Variants in PSG11 observed in about 807,000 individuals in gnomAD.
PSG11 encodes the protein pregnancy specific beta-1-glycoprotein 11.
Under a neutral mutation model 36.0 loss-of-function variants are expected in PSG11, and 42 were observed. The observed-to-expected ratio is 1.17, with a 90% CI of 0.91 to 1.51. The LOEUF (loss-of-function observed/expected upper bound fraction) is 1.51. PSG11 is among the 40% of genes most tolerant of loss of function. The probability of loss-of-function intolerance (pLI) is 0.00; values close to 1 mark genes in which losing one functional copy is unlikely to be tolerated. For synonymous variants in PSG11, 206 were observed against 153.5 expected (o/e 1.34, Z -2.53); for missense variants, 558 against 403.5 (o/e 1.38, Z -3.28).
chr19:43,018,185 G>A (rs1315788533), intron 3 of PSG11, among the ~76,000 whole-genome samples: 2 of 151,150 alleles, frequency 1.3e-5, no homozygotes, highest in African/African-American at 4.9e-5. Flanking sequence ...AACAGACATA[G>A]ACCCCTCTAT....
intron 2 of PSG11, among the ~76,000 whole-genome samples, chr19:43,022,254 G>A (rs1418002371): frequency 2.0e-5 from 3 of 151,452 alleles, no homozygotes; most frequent in African/African-American, 4.9e-5. Context: ...CATCACTATT[G>A]TAGAACGTGA....
chr19:43,023,379 T>C (rs1967151734), intron 2 of PSG11, among the ~76,000 whole-genome samples: 1 of 150,422 alleles, frequency 6.6e-6, no homozygotes, highest in Non-Finnish European at 1.5e-5. Context: ...AGGGAGTGAG[T>C]GGGGAAAGAA....
intron 2 of PSG11, among the ~76,000 whole-genome samples, chr19:43,023,887 G>T (rs1157636688): frequency 6.6e-6 from 1 of 151,420 alleles, no homozygotes; most frequent in Admixed American, 6.6e-5. Context: ...TGGCACAGTG[G>T]AGGTGTTCAC....
At chr19:43,019,191 A>C in intron 2 of PSG11, 143 bp from the exon 3 acceptor site, 6 of 1,482,698 alleles carry the variant, frequency 4.0e-6, no homozygotes, top group Non-Finnish European at 4.5e-6. Context: ...GTTACAACAC[A>C]GATGCATGGC....
chr19:43,013,425 AACCC>A (rs1209520216), intron 4 of PSG11, among the ~76,000 whole-genome samples: 7 of 151,432 alleles, frequency 4.6e-5, no homozygotes. Flanking sequence ...GACATCCAAA[AACCC>A]AATTAAAAAA....
intron 4 of PSG11, among the ~76,000 whole-genome samples, chr19:43,012,614 A>C (rs1974105057): frequency 6.6e-6 from 1 of 151,524 alleles, no homozygotes; most frequent in Non-Finnish European, 1.5e-5. Context: ...AAATCTGCAA[A>C]ATATTGCTGA....
At position 43,024,936 on chromosome 19, in the gene PSG11, A is replaced by C; in HGVS notation, c.185T>G (p.Leu62Arg). 1 of 1,611,824 alleles carries C rather than the reference A, an allele frequency of 6.2e-7. No homozygotes were observed. Among genetic ancestry groups the C allele is most frequent in the Non-Finnish European group, 8.5e-7 (1 of 1,179,068 alleles). Residue 62 changes from leucine (L) to arginine (R), a missense_variant, in exon 2 of 6, where the codon CTT (leucine) becomes CGT (arginine). Transcript: ENST00000320078. ...CCCTTTGTACCAGATGTAGCCAGTA[A>C]GATTCTGGGGCAAATTGTGGACAAG... ...LLLVHNLPQNLTGYIWYKGQI... is the reference protein window; with the variant it reads ...LLLVHNLPQNRTGYIWYKGQI...
In PSG11 at chr19:43,010,322, C is replaced by A. The variant is rs780100964; in HGVS notation, c.965-281G>T. On this transcript the variant is annotated intron_variant, in intron 4 of 5. Coordinates refer to ENST00000320078, the MANE Select transcript of PSG11 (RefSeq NM_002785.3). ...AAAGGCTGATTGCTATTTTCTATGT[C>A]ATTGGAACTTGTCACCTTTGCACCT... 1.9e-4 allele frequency: 287 copies of A among 1,511,074 alleles called. 9 individuals are homozygous for A. The highest frequency in any genetic ancestry group is 2.4e-4 in the Non-Finnish European group (277 of 1,134,892). The allele number at this position is 1,511,074 out of a possible 1,614,324, so 93.6% of individuals were successfully genotyped here.
intron 1 of PSG11, chr19:43,025,284 C>G (rs1967216076): frequency 3.7e-6 from 3 of 801,622 alleles, no homozygotes; most frequent in South Asian, 4.4e-5. Flanking sequence ...AGCATGACCC[C>G]CATTCCTTCA....
intron 2 of PSG11, chr19:43,019,317 C>G (rs1967046666): frequency 1.5e-6 from 1 of 665,910 alleles, no homozygotes; most frequent in East Asian, 3.5e-5. Context: ...GACCAGCAGT[C>G]ATAGCCCCTG....
At chr19:43,019,930 G>A (rs1383999474) in intron 2 of PSG11, among the ~76,000 whole-genome samples, 1 of 151,506 alleles carries the variant, frequency 6.6e-6, no homozygotes, top group Non-Finnish European at 1.5e-5. Context: ...TGGACCATAT[G>A]TGTTTGGTAG....
intron 4 of PSG11, among the ~76,000 whole-genome samples, chr19:43,013,312 A>G (rs55663064): frequency 0.18 from 27,437 of 151,226 alleles, 3,389 homozygotes; most frequent in East Asian, 0.53. Context: ...TTATCAAGAA[A>G]GTAAAAAGGC....
At chr19:43,012,860 TC>T (rs1195679334) in intron 4 of PSG11, among the ~76,000 whole-genome samples, 3 of 151,404 alleles carry the variant, frequency 2.0e-5, no homozygotes, top group African/African-American at 7.3e-5. Context: ...GCTGGAGGAC[TC>T]AGACTTCCTG....
chr19:43,025,442 C>G (rs1967220751), intron 1 of PSG11: 1 of 224,126 alleles, frequency 4.5e-6, no homozygotes, highest in East Asian at 1.0e-4. Flanking sequence ...TGGGTCTTCC[C>G]TTTCTGACCT....
rs372447265 is a variant in PSG11, at chr19:43,026,411, G to A, written c.-39C>T. The A allele has an allele frequency of 6.2e-7, 1 of 1,603,614 alleles. No individual in the cohort carries two copies. Among genetic ancestry groups the A allele is most frequent in the Non-Finnish European group, 8.5e-7 (1 of 1,174,014 alleles). On this transcript the variant is annotated 5_prime_UTR_variant, in exon 1 of 6. Coordinates refer to ENST00000320078, the MANE Select transcript of PSG11 (RefSeq NM_002785.3). Reference sequence around the variant, plus strand: ...TGCATGTTCTCCTCTGTGGAGATGAGCCTAGGATCCAGAAGCTTCCAGAGC... The same window carrying A: ...TGCATGTTCTCCTCTGTGGAGATGAACCTAGGATCCAGAAGCTTCCAGAGC...
chr19:43,018,005 C>G (rs1967007709), intron 3 of PSG11, among the ~76,000 whole-genome samples: 2 of 151,082 alleles, frequency 1.3e-5, no homozygotes, highest in Non-Finnish European at 1.5e-5. Context: ...ATTCCCTGTC[C>G]TGGGTTTTTG....
chr19:43,010,101 G>T lies in PSG11; in HGVS notation c.965-60C>A, dbSNP rs374188660. On this transcript the variant is annotated intron_variant, in intron 4 of 5. Transcript: ENST00000320078. ...GTGATGTTATTTTACATGGGGGAGC[G>T]TCAGGAACAAGCATGTAACATGAGA... is the stretch of plus-strand genomic sequence containing the variant. 2.6e-5 allele frequency: 40 copies of T among 1,565,418 alleles called. 1 individual carries two copies. Among genetic ancestry groups the T allele is most frequent in the South Asian group, 5.6e-5 (5 of 88,578 alleles).
In PSG11 at chr19:43,008,051, A is replaced by T. The variant is rs1449798985; in HGVS notation, c.*41-9T>A. The T allele has an allele frequency of 5.3e-6, 2 of 380,220 alleles. No homozygotes were observed. Among genetic ancestry groups the T allele is most frequent in the Admixed American group, 9.4e-5 (2 of 21,294 alleles). 23.6% of individuals were successfully genotyped at this position (380,220 alleles called of 1,614,324 possible). ...TCTTTTCCATAAATCTCCTTGAAGA[A>T]AAAGCAATTTTGGACTGTAGCTGAT... On this transcript the variant is annotated splice_polypyrimidine_tract_variant and intron_variant, in intron 5 of 5. Coordinates refer to ENST00000320078, the MANE Select transcript of PSG11 (RefSeq NM_002785.3).
chr19:43,021,484 T>G (rs1967100707), intron 2 of PSG11, among the ~76,000 whole-genome samples: 1 of 151,312 alleles, frequency 6.6e-6, no homozygotes, highest in Admixed American at 6.6e-5. Context: ...CCCAAGTAGC[T>G]GGTACTACAG....
Sources: allele counts gnomAD v4.1 joint callset (sites outside exome capture counted in the v4.1 genomes callset), GRCh38; gene constraint gnomAD v4.1.1; transcripts MANE v1.5; gene names NCBI Gene and HGNC (gene_info 2026-07-23, HGNC 2026-07-21).